NT5C2: variants seen among roughly 807,000 people sequenced by gnomAD.
NT5C2 encodes the protein 5'-nucleotidase, cytosolic II.
NT5C2 carries 58 observed loss-of-function variants against 76.1 expected under a neutral mutation model. That is an observed-to-expected ratio of 0.76 (90% CI 0.62 to 0.95). The LOEUF is 0.95. NT5C2 is among the 40% of genes least tolerant of loss of function. The pLI, the probability that NT5C2 is intolerant of heterozygous loss-of-function variation, is 0.00. For missense variants in NT5C2, 478 were observed against 690.3 expected (o/e 0.69, Z 3.45); for synonymous variants, 229 against 237.4 (o/e 0.96, Z 0.32).
Position 103,089,018 on chromosome 10 carries a change from T to C in NT5C2, c.*654A>G, listed in dbSNP as rs1277084440. 2 of 213,146 alleles carry C rather than the reference T, an allele frequency of 9.4e-6. No homozygotes were observed. The highest frequency in any genetic ancestry group is 1.9e-5 in the Non-Finnish European group (2 of 105,424). The allele number at this position is 213,146 out of a possible 1,614,324, so 13.2% of individuals were successfully genotyped here. On this transcript the variant is annotated 3_prime_UTR_variant, in exon 19 of 19. Coordinates refer to ENST00000404739, the MANE Select transcript of NT5C2 (RefSeq NM_001351169.2). ...GGATAACAAATAAGCATTTGTGCTA[T>C]TAAACAAACAAAAGGTAATAAGGAT...
chr10:103,181,379 C>T (rs961702129), intron 1 of NT5C2, 51 bp from the exon 2 acceptor site: 13 of 151,940 alleles, frequency 8.6e-5, no homozygotes, highest in African/African-American at 3.1e-4. Flanking sequence ...CATGCACAGT[C>T]CCCTTCACCA....
intron 1 of NT5C2, among the ~76,000 whole-genome samples, chr10:103,188,406 A>G (rs1366113414): frequency 6.6e-6 from 1 of 152,198 alleles, no homozygotes; most frequent in Non-Finnish European, 1.5e-5. Context: ...AAAAATACGC[A>G]CTGTCAATAA....
intron 3 of NT5C2, chr10:103,140,163 C>T (rs2080132540): frequency 6.6e-6 from 1 of 152,198 alleles, no homozygotes. Flanking sequence ...AAGCAACCCT[C>T]CTATCTCGGC....
intron 3 of NT5C2, chr10:103,146,155 AGTTT>A: frequency 1.0e-6 from 1 of 985,420 alleles, no homozygotes; most frequent in South Asian, 4.7e-5. Context: ...AACTTCAAGA[AGTTT>A]AACCTGAATC....
At chr10:103,098,699 T>C (rs145289101) in intron 10 of NT5C2, 2 of 478,836 alleles carry the variant, frequency 4.2e-6, no homozygotes, top group East Asian at 7.3e-5. Flanking sequence ...TCTTCTTGCC[T>C]ATCAAGAAAC....
chr10:103,129,920 G>T (rs2077731006), intron 4 of NT5C2, among the ~76,000 whole-genome samples: 1 of 104,976 alleles, frequency 9.5e-6, no homozygotes, highest in Non-Finnish European at 2.0e-5. Context: ...CCCCGTCCGG[G>T]AGGGAGGTGG....
chr10:103,105,630 C>A, intron 6 of NT5C2, 76 bp downstream of exon 6: 1 of 955,664 alleles, frequency 1.0e-6, no homozygotes, highest in Non-Finnish European at 1.6e-6. Context: ...AAATATATTA[C>A]ATCTGGGGAG....
chr10:103,193,183 C>T (rs940406477), intron 1 of NT5C2, 53 bp downstream of exon 1: 1 of 152,214 alleles, frequency 6.6e-6, no homozygotes, highest in East Asian at 1.9e-4. Flanking sequence ...CCCCACCTAG[C>T]TCCCCGTTCG....
At chr10:103,191,952 T>G (rs1269488440) in intron 1 of NT5C2, among the ~76,000 whole-genome samples, 1 of 152,026 alleles carries the variant, frequency 6.6e-6, no homozygotes, top group Non-Finnish European at 1.5e-5. Context: ...TTAACCTTTT[T>G]TGTTCTTTTT....
chr10:103,149,589 A>G (rs2082065853), intron 3 of NT5C2, among the ~76,000 whole-genome samples: 1 of 152,036 alleles, frequency 6.6e-6, no homozygotes, highest in Non-Finnish European at 1.5e-5. Context: ...CTTTTTTCCT[A>G]TTTTCCTCTA....
At chr10:103,110,727 GTTTTCCCAGATAATCACAAATGA>G (rs1156228512) in intron 4 of NT5C2, among the ~76,000 whole-genome samples, 5 of 152,156 alleles carry the variant, frequency 3.3e-5, no homozygotes, top group Admixed American at 6.5e-5. Flanking sequence ...GAAAATGTCA[GTTTTCCCAGATAATCACAAATGA>G]TTTTCCCAGA....
chr10:103,091,694 G>A lies in NT5C2; in HGVS notation c.1160-79C>T, dbSNP rs577276559. On this transcript the variant is annotated intron_variant, in intron 15 of 18. Transcript: ENST00000404739. ...TTCTTAACTGCTGCTAAACTAAAAG[G>A]TTGCAGATGTGACTGGAAAGTAGAA... is the stretch of plus-strand genomic sequence containing the variant. 197 of 1,194,054 alleles carry A rather than the reference G, an allele frequency of 1.6e-4. 1 individual carries two copies. The highest frequency in any genetic ancestry group is 1.1e-3 in the Admixed American group (60 of 55,986). 74.0% of individuals were successfully genotyped at this position (1,194,054 alleles called of 1,614,324 possible).
intron 1 of NT5C2, among the ~76,000 whole-genome samples, chr10:103,190,918 C>T (rs1342395673): frequency 6.6e-6 from 1 of 152,070 alleles, no homozygotes. Context: ...CATGGACATC[C>T]CAGAAATATT....
chr10:103,136,912 C>T (rs1195244549), intron 4 of NT5C2, among the ~76,000 whole-genome samples: 11 of 152,098 alleles, frequency 7.2e-5, no homozygotes, highest in East Asian at 1.9e-4. Context: ...CATGAGCCAC[C>T]GCGCCAGGCC....
intron 3 of NT5C2, among the ~76,000 whole-genome samples, chr10:103,149,974 C>G (rs1316722500): frequency 7.3e-6 from 1 of 136,188 alleles, no homozygotes; most frequent in Non-Finnish European, 1.6e-5. Context: ...CATATTTTCC[C>G]AAAGATATCC....
At position 103,115,128 on chromosome 10, in the gene NT5C2, C is replaced by T. The variant is rs138398156; in HGVS notation, c.176-8422G>A. Among the ~76,000 whole-genome samples, 344 of 152,252 alleles carry T rather than the reference C, an allele frequency of 2.3e-3. 3 individuals are homozygous for T. Among genetic ancestry groups the T allele is most frequent in the African/African-American group, 7.8e-3 (323 of 41,552 alleles). ...GTTGAAAATAGCCTTTGGCTGGGCG[C>T]GGTGGCTCACGCCTATAACCCCAGC... On this transcript the variant is annotated intron_variant, in intron 4 of 18. Transcript: ENST00000404739.
chr10:103,145,581 C>A (rs991974570), intron 3 of NT5C2, among the ~76,000 whole-genome samples: 10 of 152,084 alleles, frequency 6.6e-5, no homozygotes, highest in Non-Finnish European at 1.3e-4. Context: ...TTGAACATAT[C>A]GGAGAAATTA....
At chr10:103,155,480 T>C (rs1458424251) in intron 3 of NT5C2, among the ~76,000 whole-genome samples, 1 of 152,172 alleles carries the variant, frequency 6.6e-6, no homozygotes, top group Non-Finnish European at 1.5e-5. Context: ...CCCCAAGCTC[T>C]TAATCACCAG....
chr10:103,138,981 T>C (rs994151855), intron 4 of NT5C2, among the ~76,000 whole-genome samples: 3 of 151,526 alleles, frequency 2.0e-5, no homozygotes, highest in Non-Finnish European at 4.4e-5. Context: ...CACTCCAGCC[T>C]GGAGGACAAG....
Sources: gnomAD v4.1 joint callset for allele counts (sites outside exome capture counted in the v4.1 genomes callset) on GRCh38, gnomAD v4.1.1 for gene constraint, MANE v1.5 for transcripts, NCBI Gene and HGNC (gene_info 2026-07-23, HGNC 2026-07-21) for gene names.